Variants in ACAN observed in about 807,000 individuals in gnomAD.
ACAN encodes the protein aggrecan core protein.
In ACAN, 47 loss-of-function variants were observed where a neutral mutation model predicts 169.1. The ratio of observed to expected loss-of-function variants is 0.28; its 90% CI spans 0.22 to 0.35. ACAN has a LOEUF of 0.35. Ranked by LOEUF, ACAN falls within the 10% of genes least tolerant of loss-of-function variation. The probability of loss-of-function intolerance (pLI) is 1.00; values close to 1 mark genes in which losing one functional copy is unlikely to be tolerated. For missense variants in ACAN, 2,716 were observed against 2,759.9 expected, an observed-to-expected ratio of 0.98 and a Z score of 0.36; for synonymous variants, 1,115 against 1,112.2, an observed-to-expected ratio of 1.00 and a Z score of -0.05.
rs752618781 is a variant in ACAN, at chr15:88,872,130, G to T, written c.7302+45G>T. On this transcript the variant is annotated intron_variant, in intron 16 of 18. Transcript: ENST00000560601. The surrounding 1 kb of genome is among the most constrained non-coding windows in gnomAD (Gnocchi z 5.4). ...CAGCTGGTGGCCCAGGGGACAGGGA[G>T]TGGGATAGAGACCCCTGGAGAGAGA... The T allele has an allele frequency of 6.5e-6, 10 of 1,532,368 alleles. No individual in the cohort carries two copies. Among genetic ancestry groups the T allele is most frequent in the Non-Finnish European group, 8.1e-6 (9 of 1,105,830 alleles). The allele number at this position is 1,532,368 out of a possible 1,614,324, so 94.9% of individuals were successfully genotyped here.
intron 13 of ACAN, among the ~76,000 whole-genome samples, chr15:88,862,997 C>CA (rs57598410): frequency 3.1e-3 from 229 of 73,384 alleles, no homozygotes; most frequent in Middle Eastern, 0.013. Context: ...CACTCGGTCT[C>CA]AAAAAAAAAA....
At chr15:88,810,657 A>C (rs755101032) in intron 1 of ACAN, among the ~76,000 whole-genome samples, 1 of 152,198 alleles carries the variant, frequency 6.6e-6, no homozygotes, top group African/African-American at 2.4e-5. Context: ...CAACGTCACA[A>C]GACACTGAAA....
chr15:88,836,227 T>TTACACTTTAC lies in ACAN; in HGVS notation c.22_23insACACTTTACT (p.Phe8TyrfsTer22). The TTACACTTTAC allele has an allele frequency of 6.2e-7, 1 of 1,613,920 alleles. No homozygotes were observed. The highest frequency in any genetic ancestry group is 8.5e-7 in the Non-Finnish European group (1 of 1,179,868). On this transcript the variant is annotated frameshift_variant, in exon 2 of 19. Coordinates refer to ENST00000560601, the MANE Select transcript of ACAN (RefSeq NM_001369268.1). LOFTEE classifies it high-confidence loss of function. ...GAACTATGACCACTTTACTCTGGGT[T>TTACACTTTAC]TTCGTGACTCTGAGGGTCATCACTG... is the stretch of plus-strand genomic sequence containing the variant.
chr15:88,857,780 T>C lies in ACAN; in HGVS notation c.5195T>C (p.Leu1732Pro). ...GATGTCAGTGGGGAAATACCTGGACTCTTTGGTGTCAGTGGACAGCCATCA... is the reference window on the plus strand; with the variant it reads ...GATGTCAGTGGGGAAATACCTGGACCCTTTGGTGTCAGTGGACAGCCATCA... Reference protein sequence around the residue: ...SPDVSGEIPGLFGVSGQPSGF... With the variant: ...SPDVSGEIPGPFGVSGQPSGF... Residue 1732 changes from leucine (L) to proline (P), a missense_variant, in exon 12 of 19, where the codon CTC (leucine) becomes CCC (proline). Coordinates refer to ENST00000560601, the MANE Select transcript of ACAN (RefSeq NM_001369268.1). 1 of 1,613,970 alleles carries C rather than the reference T, an allele frequency of 6.2e-7. No individual in the cohort carries two copies. Among genetic ancestry groups the C allele is most frequent in the Non-Finnish European group, 8.5e-7 (1 of 1,179,896 alleles).
intron 13 of ACAN, among the ~76,000 whole-genome samples, chr15:88,864,699 A>C (rs1897254454): frequency 6.6e-6 from 1 of 152,202 alleles, no homozygotes; most frequent in African/African-American, 2.4e-5. Context: ...ATCTTCATTG[A>C]TCCCAGGTCT....
intron 1 of ACAN, among the ~76,000 whole-genome samples, chr15:88,820,193 T>A (rs560533753): frequency 2.6e-5 from 4 of 152,158 alleles, no homozygotes; most frequent in African/African-American, 9.6e-5. Flanking sequence ...CACAGATGAG[T>A]TATAGACCCA....
Position 88,843,678 on chromosome 15 carries a change from T to A in ACAN, c.1051+30T>A, listed in dbSNP as rs770355060. On this transcript the variant is annotated intron_variant, in intron 6 of 18. Transcript: ENST00000560601. This position sits in a 1 kb window ranked among gnomAD's most constrained non-coding sequence, Gnocchi z 4.0. ...GGCACGGCTGGTGGTGGGAAGGGAG[T>A]TCATGCCACTAAAATGGGGTCCTAG... 2 of 1,537,962 alleles carry A rather than the reference T, an allele frequency of 1.3e-6. No homozygotes were observed. Among genetic ancestry groups the A allele is most frequent in the South Asian group, 2.5e-5 (2 of 79,432 alleles).
chr15:88,843,056 A>C lies in ACAN; in HGVS notation c.758-299A>C, dbSNP rs1896704908. 1.3e-5 allele frequency among the ~76,000 whole-genome samples: 2 copies of C among 152,212 alleles called. No individual in the cohort carries two copies. Among genetic ancestry groups the C allele is most frequent in the Admixed American group, 6.5e-5 (1 of 15,288 alleles). ...GTGGTGGAATGCAAATGGGGCAAAG[A>C]GGCTTTTGAGCAGAATTTTCCTCCC... On this transcript the variant is annotated intron_variant, in intron 5 of 18. Coordinates refer to ENST00000560601, the MANE Select transcript of ACAN (RefSeq NM_001369268.1). This position sits in a 1 kb window ranked among gnomAD's most constrained non-coding sequence, Gnocchi z 4.0.
At chr15:88,819,728 T>C (rs1050425323) in intron 1 of ACAN, among the ~76,000 whole-genome samples, 2 of 152,002 alleles carry the variant, frequency 1.3e-5, no homozygotes, top group Non-Finnish European at 2.9e-5. Context: ...ATCTCACCAC[T>C]GCACTCCAGC....
chr15:88,830,141 A>C (rs1026139370), intron 1 of ACAN, among the ~76,000 whole-genome samples: 1 of 152,114 alleles, frequency 6.6e-6, no homozygotes, highest in South Asian at 2.1e-4. Context: ...GGTGACATGG[A>C]GATGAACATT....
chr15:88,845,396 G>A (rs1339873630), intron 6 of ACAN, 109 bp from the exon 7 acceptor site: 3 of 1,444,786 alleles, frequency 2.1e-6, no homozygotes, highest in African/African-American at 2.8e-5. Flanking sequence ...GTGCCCTCCT[G>A]CCCCAGCAGG....
At chr15:88,850,819 C>G (rs886882551) in intron 10 of ACAN, 5 of 152,040 alleles carry the variant, frequency 3.3e-5, no homozygotes, top group African/African-American at 1.2e-4. Context: ...TGGTGTGTAC[C>G]TGTAATCCCA....
intron 1 of ACAN, among the ~76,000 whole-genome samples, chr15:88,825,659 G>A (rs1896196644): frequency 6.6e-6 from 1 of 152,212 alleles, no homozygotes; most frequent in Non-Finnish European, 1.5e-5. Flanking sequence ...CCAAGTCAAA[G>A]AGGTATTACT....
intron 6 of ACAN, among the ~76,000 whole-genome samples, chr15:88,844,652 C>T (rs1053044315): frequency 6.6e-6 from 1 of 152,134 alleles, no homozygotes; most frequent in African/African-American, 2.4e-5. Context: ...GGCTTGCATG[C>T]GTGAGCCACC....
At chr15:88,844,488 C>T (rs918404534) in intron 6 of ACAN, among the ~76,000 whole-genome samples, 1 of 152,064 alleles carries the variant, frequency 6.6e-6, no homozygotes, top group African/African-American at 2.4e-5. Flanking sequence ...ATTCTTCTGC[C>T]TCAGCCTCCC....
intron 1 of ACAN, among the ~76,000 whole-genome samples, chr15:88,816,128 A>ACACC (rs1895937045): frequency 6.6e-6 from 1 of 152,214 alleles, no homozygotes; most frequent in South Asian, 2.1e-4. Flanking sequence ...TCCAATAAGG[A>ACACC]CACCAGCTAT....
chr15:88,874,636 C>A lies in ACAN; in HGVS notation c.*155C>A. On this transcript the variant is annotated 3_prime_UTR_variant, in exon 19 of 19. Coordinates refer to ENST00000560601, the MANE Select transcript of ACAN (RefSeq NM_001369268.1). This position sits in a 1 kb window ranked among gnomAD's most constrained non-coding sequence, Gnocchi z 7.3. ...AATAAATCCCACATTTGTGTATGCACCCACTCACCCCTCCAAATCAGCAAA... is the reference window on the plus strand; with the variant it reads ...AATAAATCCCACATTTGTGTATGCAACCACTCACCCCTCCAAATCAGCAAA... 1.3e-6 allele frequency: 1 copy of A among 753,426 alleles called. No individual in the cohort carries two copies. The highest frequency in any genetic ancestry group is 2.3e-6 in the Non-Finnish European group (1 of 435,112). 46.7% of individuals were successfully genotyped at this position (753,426 alleles called of 1,614,324 possible).
chr15:88,851,371 C>T lies in ACAN; in HGVS notation c.2027-423C>T. On this transcript the variant is annotated intron_variant, in intron 10 of 18. Transcript: ENST00000560601. The surrounding 1 kb of genome is among the most constrained non-coding windows in gnomAD (Gnocchi z 4.3). ...GTAGTTGAGAGCGTGGAGTCTGGTA[C>T]CAGATGCTTAAATTCAAAGACTAGA... The T allele has an allele frequency of 6.2e-6, 1 of 162,156 alleles. No homozygotes were observed. The allele number at this position is 162,156 out of a possible 1,614,324, so 10.0% of individuals were successfully genotyped here.
chr15:88,841,662 G>A (rs536061458), intron 4 of ACAN, 78 bp from the exon 5 acceptor site: 44 of 1,565,824 alleles, frequency 2.8e-5, no homozygotes, highest in Middle Eastern at 1.7e-4. Context: ...CCTCCCACGG[G>A]AGGAGGATTC....
Sources: allele counts gnomAD v4.1 joint callset (sites outside exome capture counted in the v4.1 genomes callset), GRCh38; gene constraint gnomAD v4.1.1; non-coding constraint Gnocchi (gnomAD v3.1); transcripts MANE v1.5; gene names NCBI Gene and HGNC (gene_info 2026-07-23, HGNC 2026-07-21).